SHROOM3: variants seen among roughly 807,000 people sequenced by gnomAD.
The protein encoded by SHROOM3 is shroom family member 3, also known as protein Shroom3.
Under a neutral mutation model 138.6 loss-of-function variants are expected in SHROOM3, and 47 were observed. The ratio of observed to expected loss-of-function variants is 0.34; its 90% confidence interval spans 0.27 to 0.43. SHROOM3 has a LOEUF of 0.43. Among genes scored for constraint, SHROOM3 ranks in the 20% least tolerant of loss-of-function variants. SHROOM3 has a pLI of 1.00. For missense variants in SHROOM3, 2,491 were observed against 2,596.5 expected, an observed-to-expected ratio of 0.96 and a Z score of 0.88; for synonymous variants, 1,062 against 1,063.3, an observed-to-expected ratio of 1.00 and a Z score of 0.02.
rs778822989 is a variant in SHROOM3 at position 76,755,021 on chromosome 4, C to T, written c.4538C>T (p.Pro1513Leu). 1.4e-5 allele frequency: 22 copies of T among 1,608,604 alleles called. No homozygotes were observed. The highest frequency in any genetic ancestry group is 3.3e-5 in the Admixed American group (2 of 59,856). Residue 1513 changes from proline to leucine, a missense_variant, in exon 7 of 11, where the codon CCG becomes CTG. Pro to Leu is a moderately conservative substitution (Grantham distance 98). Coordinates refer to ENST00000296043, the MANE Select transcript of SHROOM3 (RefSeq NM_020859.4). ...DYEDEVFVRD[P>L]HPKATSSPTF... ...GAAGACGAAGTGTTTGTGAGGGATC[C>T]GCACCCCAAGGCCACGTCCAGCCCC...
intron 1 of SHROOM3, among the ~76,000 whole-genome samples, chr4:76,513,644 AT>A (rs1378726645): frequency 6.6e-6 from 1 of 152,092 alleles, no homozygotes. Context: ...CACTGATCAC[AT>A]TTACCGGTAG....
In SHROOM3 at chr4:76,741,954, C is replaced by T. The variant is rs1721271512; in HGVS notation, c.3753+28C>T. The stretch of plus-strand genomic sequence containing the variant: ...ACGTGCAACCAGCAAGTCCTGGCCT[C>T]GAACTGTCCCTTCCTCCCTAGAAGC... On this transcript the variant is annotated intron_variant, in intron 5 of 10. Coordinates refer to ENST00000296043, the MANE Select transcript of SHROOM3 (RefSeq NM_020859.4). The surrounding 1 kb of genome is among the most constrained non-coding windows in gnomAD (Gnocchi z 6.2). 6 of 1,606,964 alleles carry T rather than the reference C, an allele frequency of 3.7e-6. No individual in the cohort carries two copies. The highest frequency in any genetic ancestry group is 1.3e-5 in the African/African-American group (1 of 74,858).
chr4:76,459,459 C>T (rs925407584), intron 1 of SHROOM3, among the ~76,000 whole-genome samples: 4 of 152,082 alleles, frequency 2.6e-5, no homozygotes, highest in African/African-American at 4.8e-5. Context: ...TCCAGGGAGC[C>T]TAGGTTGAGC....
At position 76,469,905 on chromosome 4, in the gene SHROOM3, T is replaced by G. The variant is rs1423904896; in HGVS notation, c.168+33685T>G. Among the ~76,000 whole-genome samples, 4 of 152,086 alleles carry G rather than the reference T, an allele frequency of 2.6e-5. No homozygotes were observed. The East Asian group carries it at 7.7e-4, about 29-fold the overall frequency. On this transcript the variant is annotated intron_variant, in intron 1 of 10. Coordinates refer to ENST00000296043, the MANE Select transcript of SHROOM3 (RefSeq NM_020859.4). ...GATAGAGCTTTATAGGAAGGAAGATTGAGATTTAAGACGAAATATGTCAAG... is the reference window on the plus strand; with the variant it reads ...GATAGAGCTTTATAGGAAGGAAGATGGAGATTTAAGACGAAATATGTCAAG...
chr4:76,609,226 A>G (rs376153034), intron 2 of SHROOM3, among the ~76,000 whole-genome samples: 11 of 152,234 alleles, frequency 7.2e-5, no homozygotes, highest in African/African-American at 2.7e-4. Flanking sequence ...TGCAAATTCA[A>G]GTAATCTTTT....
intron 2 of SHROOM3, among the ~76,000 whole-genome samples, chr4:76,696,620 C>T (rs1199679512): frequency 6.6e-6 from 1 of 152,228 alleles, no homozygotes; most frequent in Non-Finnish European, 1.5e-5. Context: ...ACCTGCCAAA[C>T]TCCTCCCTGA....
At chr4:76,636,949 T>C (rs1006296094) in intron 2 of SHROOM3, among the ~76,000 whole-genome samples, 8 of 152,234 alleles carry the variant, frequency 5.3e-5, no homozygotes, top group African/African-American at 1.7e-4. Context: ...AGAAGTTCTT[T>C]GGTCGTTATT....
intron 1 of SHROOM3, among the ~76,000 whole-genome samples, chr4:76,496,473 C>T (rs1029836524): frequency 1.3e-5 from 2 of 152,192 alleles, no homozygotes; most frequent in African/African-American, 4.8e-5. Context: ...AGAAACCAAA[C>T]CACTTGTTAA....
intron 3 of SHROOM3, among the ~76,000 whole-genome samples, chr4:76,712,359 G>A (rs1326855641): frequency 6.6e-6 from 1 of 152,172 alleles, no homozygotes; most frequent in Non-Finnish European, 1.5e-5. Context: ...AGGGCCATTA[G>A]GACAGGGAAG....
At chr4:76,547,199 C>G (rs1451246203) in intron 1 of SHROOM3, among the ~76,000 whole-genome samples, 1 of 152,180 alleles carries the variant, frequency 6.6e-6, no homozygotes, top group Non-Finnish European at 1.5e-5. Context: ...TTAGGCAGGA[C>G]AAGTGAAGTG....
chr4:76,510,393 T>G lies in SHROOM3; in HGVS notation c.169-45216T>G, dbSNP rs144227755. ...ATTGTACTAGTTACAGACTTGAGTT[T>G]GAGTTCTCTCTCTGCCAGATGTAGC... On this transcript the variant is annotated intron_variant, in intron 1 of 10. Coordinates refer to ENST00000296043, the MANE Select transcript of SHROOM3 (RefSeq NM_020859.4). Among the ~76,000 whole-genome samples, 822 of 152,378 alleles carry G rather than the reference T, an allele frequency of 5.4e-3. 25 individuals carry two copies. The highest frequency in any genetic ancestry group is 0.035 in the Admixed American group (538 of 15,310).
At chr4:76,602,545 G>A (rs1361291917) in intron 2 of SHROOM3, among the ~76,000 whole-genome samples, 1 of 151,524 alleles carries the variant, frequency 6.6e-6, no homozygotes, top group Non-Finnish European at 1.5e-5. Flanking sequence ...GCTTACTAGT[G>A]GCAATATATT....
chr4:76,741,706 G>A lies in SHROOM3; in HGVS notation c.3533G>A (p.Arg1178His), dbSNP rs868497007. 2.6e-6 allele frequency: 4 copies of A among 1,552,668 alleles called. No individual in the cohort carries two copies. In the South Asian group the frequency reaches 3.6e-5, roughly 14 times the overall value. ...CGCAGCAGCTCCTTCGCCGGTGGCC[G>A]CCGCCTCGGGGAACGGCGACGCGGG... ...RDRSSSFAGG[R>H]RLGERRRGDL... is the part of the protein sequence containing the mutation. Residue 1178 changes from arginine (R) to histidine (H), a missense_variant, in exon 5 of 11, where the codon CGC becomes CAC. By Grantham distance (29) the Arg-to-His change is conservative. Transcript: ENST00000296043. The surrounding 1 kb of genome is among the most constrained non-coding windows in gnomAD (Gnocchi z 6.2).
chr4:76,676,775 C>T (rs1018427267), intron 2 of SHROOM3, among the ~76,000 whole-genome samples: 9 of 151,864 alleles, frequency 5.9e-5, no homozygotes, highest in African/African-American at 2.2e-4. Context: ...AACCCTGTCT[C>T]TACTAAAAAT....
intron 1 of SHROOM3, among the ~76,000 whole-genome samples, chr4:76,552,147 C>T (rs187618444): frequency 1.1e-4 from 17 of 150,978 alleles, no homozygotes; most frequent in African/African-American, 3.4e-4. Context: ...CAGGCATGAG[C>T]CACTGCGCCT....
intron 4 of SHROOM3, among the ~76,000 whole-genome samples, chr4:76,731,738 G>T (rs1175207351): frequency 2.7e-5 from 4 of 150,396 alleles, no homozygotes; most frequent in African/African-American, 9.8e-5. Context: ...CTCAGATCAC[G>T]CCACTGCACT....
rs748773776 is a variant in SHROOM3, at chr4:76,740,751, C to T, written c.2578C>T (p.Arg860Trp). Residue 860 changes from arginine (R) to tryptophan (W), a missense_variant, in exon 5 of 11, where the codon CGG becomes TGG. Around this residue, in one of 4 missense-constraint regions of SHROOM3, gnomAD observed 1,733 missense variants for 1,661.6 expected, o/e 1.04. Transcript: ENST00000296043. This position sits in a 1 kb window ranked among gnomAD's most constrained non-coding sequence, Gnocchi z 4.0. The stretch of plus-strand genomic sequence containing the variant: ...GGAGCTGAAGTTGGAAGAGGCTTCC[C>T]GGCAGCCCTGCGGTCAGCAGCTGAG... ...NGELKLEEAS[R>W]QPCGQQLSGG... 9.9e-6 allele frequency: 16 copies of T among 1,612,968 alleles called. No individual in the cohort carries two copies. Among genetic ancestry groups the T allele is most frequent in the East Asian group, 4.5e-5 (2 of 44,872 alleles).
intron 2 of SHROOM3, among the ~76,000 whole-genome samples, chr4:76,695,615 G>C (rs561416691): frequency 1.2e-4 from 19 of 152,320 alleles, no homozygotes; most frequent in African/African-American, 4.6e-4. Flanking sequence ...TGAAGACGAA[G>C]TCACCTTGAC....
intron 2 of SHROOM3, among the ~76,000 whole-genome samples, chr4:76,582,621 G>C (rs1322540160): frequency 6.6e-6 from 1 of 152,156 alleles, no homozygotes; most frequent in Non-Finnish European, 1.5e-5. Context: ...GAGAAAACAG[G>C]ATGTGCTTGA....
Sources: allele counts gnomAD v4.1 joint callset (sites outside exome capture counted in the v4.1 genomes callset), GRCh38; gene constraint gnomAD v4.1.1; regional missense constraint gnomAD v4.1.1; non-coding constraint Gnocchi (gnomAD v3.1); transcripts MANE v1.5; gene names NCBI Gene and HGNC (gene_info 2026-07-23, HGNC 2026-07-21).